Variants in MALRD1 observed in about 807,000 individuals in gnomAD.
MALRD1 encodes MAM and LDL receptor class A domain containing 1, also known as MAM and LDL-receptor class A domain-containing protein 1.
A neutral mutation model predicts 242.1 loss-of-function variants in MALRD1; 247 were observed. The observed-to-expected ratio is 1.02, with a 90% confidence interval of 0.92 to 1.13. The LOEUF (loss-of-function observed/expected upper bound fraction) is 1.13, where lower values mean the gene tolerates loss of function less well. Ranked by LOEUF, MALRD1 falls within the 50% of genes most tolerant of loss-of-function variation. MALRD1 has a pLI of 0.00. For synonymous variants in MALRD1, 995 were observed against 866.6 expected (o/e 1.15, Z -2.60); for missense variants, 2,989 against 2,533.1 (o/e 1.18, Z -3.86).
At chr10:19,081,310 C>T (rs1470498997) in intron 2 of MALRD1, among the ~76,000 whole-genome samples, 2 of 152,096 alleles carry the variant, frequency 1.3e-5, no homozygotes, top group Non-Finnish European at 2.9e-5. Flanking sequence ...AAGACACATA[C>T]ATGCGTATGT....
At chr10:19,710,720 A>G (rs889174754) in intron 38 of MALRD1, 7 of 152,188 alleles carry the variant, frequency 4.6e-5, no homozygotes, top group Non-Finnish European at 7.3e-5. Flanking sequence ...CACCATTATC[A>G]TTTCGTCAGT....
At chr10:19,518,591 A>G (rs1311046789) in intron 31 of MALRD1, among the ~76,000 whole-genome samples, 1 of 152,142 alleles carries the variant, frequency 6.6e-6, no homozygotes, top group East Asian at 1.9e-4. Context: ...ACTCTACAAA[A>G]TCATCCAGAT....
At chr10:19,550,936 A>G (rs1459171553) in intron 32 of MALRD1, among the ~76,000 whole-genome samples, 1 of 152,056 alleles carries the variant, frequency 6.6e-6, no homozygotes, top group Non-Finnish European at 1.5e-5. Flanking sequence ...GTCTTCCACA[A>G]TATAAGTGTT....
At chr10:19,075,126 TCAAA>T (rs1015960794) in intron 2 of MALRD1, among the ~76,000 whole-genome samples, 52 of 152,148 alleles carry the variant, frequency 3.4e-4, no homozygotes, top group African/African-American at 1.3e-3. Flanking sequence ...TTAAAGAGAC[TCAAA>T]CTACTTTAGG....
intron 36 of MALRD1, among the ~76,000 whole-genome samples, chr10:19,674,193 A>G (rs1041690848): frequency 2.0e-5 from 3 of 152,224 alleles, no homozygotes; most frequent in African/African-American, 4.8e-5. Context: ...TAAGCTTAGT[A>G]TATTTAGGGA....
At chr10:19,211,807 A>G (rs1480897028) in intron 18 of MALRD1, among the ~76,000 whole-genome samples, 1 of 152,012 alleles carries the variant, frequency 6.6e-6, no homozygotes, top group Non-Finnish European at 1.5e-5. Flanking sequence ...TTCTACTGAG[A>G]AACAGCAGCA....
intron 32 of MALRD1, among the ~76,000 whole-genome samples, chr10:19,550,685 T>C (rs552286644): frequency 7.7e-4 from 117 of 152,322 alleles, no homozygotes; most frequent in African/African-American, 2.7e-3. Flanking sequence ...TCATTCTTTT[T>C]AATGGCTGCA....
At chr10:19,061,084 C>A (rs1834809901) in intron 1 of MALRD1, among the ~76,000 whole-genome samples, 1 of 152,060 alleles carries the variant, frequency 6.6e-6, no homozygotes, top group Admixed American at 6.6e-5. Context: ...CACATGGATA[C>A]AGGGAGGGGA....
chr10:19,109,288 G>A (rs1186197493), intron 5 of MALRD1, among the ~76,000 whole-genome samples: 1 of 152,118 alleles, frequency 6.6e-6, no homozygotes, highest in Non-Finnish European at 1.5e-5. Context: ...TCCCTGTCGG[G>A]GACAGAAGTG....
At chr10:19,355,205 G>C (rs1182257794) in intron 26 of MALRD1, among the ~76,000 whole-genome samples, 1 of 152,022 alleles carries the variant, frequency 6.6e-6, no homozygotes, top group Non-Finnish European at 1.5e-5. Flanking sequence ...TGTGGGTGAT[G>C]ATTTGGCTGA....
chr10:19,257,753 G>T lies in MALRD1; in HGVS notation c.3061G>T (p.Asp1021Tyr). 1.3e-6 allele frequency: 2 copies of T among 1,537,910 alleles called. No individual in the cohort carries two copies. Among genetic ancestry groups the T allele is most frequent in the South Asian group, 2.5e-5 (2 of 81,610 alleles). The change falls in exon 19 of 40, where the codon GAC becomes TAC. Residue 1021 changes from aspartate to tyrosine, a missense_variant. Coordinates refer to ENST00000454679, the MANE Select transcript of MALRD1 (RefSeq NM_001142308.3). ...DIAIDDLSFM[D>Y]CTLYPGNLPA... ...TGCGATTGATGATCTGTCATTTATG[G>T]ACTGCACCCTCTACCCTGGTAAGAG...
chr10:19,146,485 GT>G (rs1270740562), intron 11 of MALRD1, 141 bp downstream of exon 11: 2 of 666,220 alleles, frequency 3.0e-6, no homozygotes, highest in African/African-American at 3.8e-5. Flanking sequence ...TCCTGACCAA[GT>G]TAATAATTGG....
At chr10:19,137,628 A>G (rs955890529) in intron 10 of MALRD1, among the ~76,000 whole-genome samples, 80 of 151,552 alleles carry the variant, frequency 5.3e-4, no homozygotes, top group African/African-American at 1.5e-3. Context: ...AAAAAAAAAA[A>G]AAAGAAATCA....
intron 11 of MALRD1, among the ~76,000 whole-genome samples, chr10:19,146,624 C>T (rs1231114269): frequency 6.6e-6 from 1 of 152,180 alleles, no homozygotes; most frequent in Non-Finnish European, 1.5e-5. Context: ...TCAAGTTGCC[C>T]AGAATCAAGT....
intron 32 of MALRD1, among the ~76,000 whole-genome samples, chr10:19,555,000 C>T (rs560921056): frequency 4.6e-5 from 7 of 152,254 alleles, no homozygotes; most frequent in East Asian, 1.9e-4. Flanking sequence ...AACTAGTTTA[C>T]ATTCCTACCA....
At chr10:19,359,197 CAT>C (rs1245974106) in intron 26 of MALRD1, among the ~76,000 whole-genome samples, 2 of 152,112 alleles carry the variant, frequency 1.3e-5, no homozygotes, top group African/African-American at 2.4e-5. Flanking sequence ...AAAATATTGG[CAT>C]ATTCCACCGA....
intron 34 of MALRD1, among the ~76,000 whole-genome samples, chr10:19,602,416 A>G (rs913872823): frequency 6.4e-5 from 9 of 140,496 alleles, no homozygotes; most frequent in East Asian, 4.2e-4. Flanking sequence ...TCATTGTTCA[A>G]TTCCCATCTA....
chr10:19,272,095 A>G (rs1252107624), intron 19 of MALRD1, among the ~76,000 whole-genome samples: 2 of 152,138 alleles, frequency 1.3e-5, no homozygotes, highest in East Asian at 3.8e-4. Flanking sequence ...TATATAAATT[A>G]GATTATAATC....
intron 36 of MALRD1, among the ~76,000 whole-genome samples, chr10:19,633,172 A>C (rs919589252): frequency 3.9e-5 from 6 of 152,134 alleles, no homozygotes; most frequent in African/African-American, 1.2e-4. Flanking sequence ...TGGAGGTTAC[A>C]GTGAGCCAAG....
Sources: gnomAD v4.1 joint callset for allele counts (sites outside exome capture counted in the v4.1 genomes callset) on GRCh38, gnomAD v4.1.1 for gene constraint, MANE v1.5 for transcripts, NCBI Gene and HGNC (gene_info 2026-07-23, HGNC 2026-07-21) for gene names.